HOPX: variants seen among roughly 807,000 people sequenced by gnomAD.
HOPX encodes homeodomain-only protein.
Under a neutral mutation model 11.8 loss-of-function variants are expected in HOPX, and 5 were observed. The observed-to-expected ratio is 0.43, with a 90% CI of 0.22 to 0.89. The LOEUF (loss-of-function observed/expected upper bound fraction) is 0.89. HOPX is among the 40% of genes least tolerant of loss of function. The probability of loss-of-function intolerance (pLI) is 0.28; values close to 1 mark genes in which losing one functional copy is unlikely to be tolerated. For synonymous variants in HOPX, 49 were observed against 49.7 expected (o/e 0.99, Z 0.06); for missense variants, 119 against 120.0 (o/e 0.99, Z 0.04).
intron 1 of HOPX, chr4:56,665,452 G>A (rs960035492): frequency 6.6e-6 from 1 of 152,110 alleles, no homozygotes; most frequent in Non-Finnish European, 1.5e-5. Flanking sequence ...ACTTGATTTA[G>A]GACATAACTT....
At position 56,659,047 on chromosome 4, in the gene HOPX, CACTATCA is replaced by C. The variant is rs1380052556; in HGVS notation, c.-83-1155_-83-1149del. ...CTTTTATAAACTAGCTCACAAAAAG[CACTATCA>C]ACTGGAAATCTTTGGTTACCTCTGT... On this transcript the variant is annotated intron_variant, in intron 1 of 3. Transcript: ENST00000420433. 4.6e-5 allele frequency: 7 copies of C among 152,254 alleles called. No individual in the cohort carries two copies. The East Asian group carries it at 1.4e-3, about 29-fold the overall frequency. 9.4% of individuals were successfully genotyped at this position (152,254 alleles called of 1,614,324 possible).
At chr4:56,665,966 G>A (rs1027918151) in intron 1 of HOPX, among the ~76,000 whole-genome samples, 5 of 152,136 alleles carry the variant, frequency 3.3e-5, no homozygotes, top group Admixed American at 6.5e-5. Context: ...GTGGTGAAAG[G>A]GGCAGTAGAG....
At chr4:56,652,798 T>C (rs2109462893) in intron 3 of HOPX, among the ~76,000 whole-genome samples, 1 of 149,796 alleles carries the variant, frequency 6.7e-6, no homozygotes, top group East Asian at 2.0e-4. Context: ...CCAGCCTGAA[T>C]GACAGAGTGA....
chr4:56,671,862 T>C lies in HOPX; in HGVS notation c.-84+9393A>G, dbSNP rs79972754. Among the ~76,000 whole-genome samples the C allele has an allele frequency of 1.5e-3, 230 of 152,180 alleles. 1 individual carries two copies. The highest frequency in any genetic ancestry group is 5.5e-3 in the African/African-American group (226 of 41,440). ...TCTATCACATAGTCTCCAGGTAACTTTGGACAACTGTCTTAATTGCTTTAG... is the reference window on the plus strand; with the variant it reads ...TCTATCACATAGTCTCCAGGTAACTCTGGACAACTGTCTTAATTGCTTTAG... On this transcript the variant is annotated intron_variant, in intron 1 of 3. Transcript: ENST00000420433.
intron 1 of HOPX, chr4:56,664,460 A>G (rs1718326123): frequency 6.6e-6 from 1 of 152,094 alleles, no homozygotes; most frequent in South Asian, 2.1e-4. Flanking sequence ...AATAGCTATG[A>G]GCTAGGCTTT....
intron 1 of HOPX, among the ~76,000 whole-genome samples, chr4:56,667,338 C>T (rs1331161671): frequency 6.6e-6 from 1 of 152,140 alleles, no homozygotes; most frequent in African/African-American, 2.4e-5. Flanking sequence ...TTTGATAATT[C>T]AATTTGTTTG....
chr4:56,656,234 C>T (rs1717711426), intron 2 of HOPX: 2 of 1,155,856 alleles, frequency 1.7e-6, no homozygotes, highest in South Asian at 3.6e-5. Flanking sequence ...TGCGGGCTGA[C>T]GGCAGAGCCT....
chr4:56,669,938 A>G (rs1441883494), intron 1 of HOPX, among the ~76,000 whole-genome samples: 1 of 152,130 alleles, frequency 6.6e-6, no homozygotes, highest in African/African-American at 2.4e-5. Context: ...GCTGTCTTTC[A>G]CTCTTAAAAA....
chr4:56,660,815 C>T (rs574252828), intron 1 of HOPX, among the ~76,000 whole-genome samples: 49 of 152,182 alleles, frequency 3.2e-4, no homozygotes, highest in African/African-American at 1.1e-3. Context: ...TGGTGAACCC[C>T]GCTCAATTTA....
intron 1 of HOPX, among the ~76,000 whole-genome samples, chr4:56,676,720 A>G (rs1578365161): frequency 6.6e-6 from 1 of 151,094 alleles, no homozygotes; most frequent in African/African-American, 2.5e-5. Flanking sequence ...GCTCGCCTTC[A>G]CCCTCTCCTC....
chr4:56,678,189 C>T (rs1339575702), intron 1 of HOPX, among the ~76,000 whole-genome samples: 1 of 151,384 alleles, frequency 6.6e-6, no homozygotes, highest in African/African-American at 2.5e-5. Context: ...CTTTGAGCCT[C>T]TGTTGCTGTG....
intron 1 of HOPX, among the ~76,000 whole-genome samples, chr4:56,673,375 C>T (rs1346362810): frequency 1.3e-5 from 2 of 151,970 alleles, no homozygotes; most frequent in Non-Finnish European, 2.9e-5. Context: ...ACTATGTTAA[C>T]TCATCATACG....
intron 2 of HOPX, among the ~76,000 whole-genome samples, chr4:56,657,281 C>T (rs748288005): frequency 6.6e-6 from 1 of 152,140 alleles, no homozygotes; most frequent in Admixed American, 6.5e-5. Context: ...ACTTGACTGT[C>T]GCTGACAGTA....
chr4:56,681,446 G>A (rs1719320560), upstream of HOPX: 1 of 989,032 alleles, frequency 1.0e-6, no homozygotes, highest in Non-Finnish European at 1.2e-6. Context: ...AAAGTATGCC[G>A]AGGTTACGTC....
rs1484619983 is a variant in HOPX, at chr4:56,655,984, G to A, written c.71C>T (p.Ala24Val). Residue 24 changes from alanine (A) to valine (V), a missense_variant, in exon 3 of 4, where the codon GCG (alanine) becomes GTG (valine). Ala to Val is a moderately conservative substitution (Grantham distance 64). Transcript: ENST00000420433. ...ERAGTMSAETASGPTEDQVEI... is the reference protein window; with the variant it reads ...ERAGTMSAETVSGPTEDQVEI... ...CACCTGGTCCTCTGTGGGGCCGCTCGCGGTCTCCGCCGACATGGTCCCTGC... is the reference window on the plus strand; with the variant it reads ...CACCTGGTCCTCTGTGGGGCCGCTCACGGTCTCCGCCGACATGGTCCCTGC... The A allele has an allele frequency of 1.9e-6, 3 of 1,607,032 alleles. No homozygotes were observed. Among genetic ancestry groups the A allele is most frequent in the East Asian group, 4.5e-5 (2 of 44,460 alleles).
At chr4:56,672,487 C>T (rs1452955636) in intron 1 of HOPX, among the ~76,000 whole-genome samples, 2 of 150,840 alleles carry the variant, frequency 1.3e-5, no homozygotes, top group South Asian at 2.1e-4. Context: ...TGCAGTGAGC[C>T]GAGATGATGC....
intron 2 of HOPX, among the ~76,000 whole-genome samples, chr4:56,657,085 C>T (rs1717799974): frequency 1.3e-5 from 2 of 152,230 alleles, no homozygotes; most frequent in South Asian, 4.1e-4. Context: ...TTTGAAGCAA[C>T]ATGACTTCCT....
At chr4:56,674,584 C>G (rs1718902474) in intron 1 of HOPX, among the ~76,000 whole-genome samples, 1 of 151,616 alleles carries the variant, frequency 6.6e-6, no homozygotes, top group Admixed American at 6.6e-5. Context: ...ATGTCTGCCT[C>G]AGGTTTTTGT....
chr4:56,648,627 C>T lies in HOPX; in HGVS notation c.*93G>A, dbSNP rs1716868716. On this transcript the variant is annotated 3_prime_UTR_variant, in exon 4 of 4. Coordinates refer to ENST00000420433, the MANE Select transcript of HOPX (RefSeq NM_032495.6). ...GGACAGCTAGCAATGGAACATACAACACTATGCTGAAAAACCACAACAGCT... is the reference window on the plus strand; with the variant it reads ...GGACAGCTAGCAATGGAACATACAATACTATGCTGAAAAACCACAACAGCT... The T allele has an allele frequency of 9.3e-6, 8 of 857,008 alleles. No homozygotes were observed. The allele number at this position is 857,008 out of a possible 1,614,324, so 53.1% of individuals were successfully genotyped here.
Sources: allele counts gnomAD v4.1 joint callset (sites outside exome capture counted in the v4.1 genomes callset), GRCh38; gene constraint gnomAD v4.1.1; transcripts MANE v1.5; gene names NCBI Gene and HGNC (gene_info 2026-07-23, HGNC 2026-07-21).